The following MYO1D variants were observed in gnomAD, a reference collection of about 807,000 sequenced individuals.
MYO1D encodes unconventional myosin-Id.
In MYO1D, 83 loss-of-function variants were observed where a neutral mutation model predicts 122.0. The observed-to-expected ratio is 0.68, with a 90% CI of 0.57 to 0.82. The LOEUF is 0.82. Ranked by LOEUF, MYO1D falls within the 40% of genes least tolerant of loss-of-function variation. MYO1D has a pLI of 0.00. For synonymous variants in MYO1D, 464 were observed against 446.9 expected (o/e 1.04, Z -0.48); for missense variants, 1,157 against 1,269.5 (o/e 0.91, Z 1.35).
intron 2 of MYO1D, 26 bp downstream of exon 2, chr17:32,780,550 A>T: frequency 6.2e-7 from 1 of 1,603,566 alleles, no homozygotes. Flanking sequence ...GTGACTTTGG[A>T]AATACAGGGG....
intron 19 of MYO1D, among the ~76,000 whole-genome samples, chr17:32,646,427 C>T (rs1238463631): frequency 6.6e-6 from 1 of 151,594 alleles, no homozygotes; most frequent in African/African-American, 2.4e-5. Flanking sequence ...GCCTGGGCAA[C>T]AGAAGAAGAC....
chr17:32,625,282 TGA>T lies in MYO1D; in HGVS notation c.2709+13438_2709+13439del, dbSNP rs146421557. On this transcript the variant is annotated intron_variant, in intron 20 of 21. Coordinates refer to ENST00000318217, the MANE Select transcript of MYO1D (RefSeq NM_015194.3). ...GACTTAAATAGATAAATAAAGAAAA[TGA>T]GAGAGAGAGAGAGAGCAACTTTGGC... Among the ~76,000 whole-genome samples the T allele has an allele frequency of 2.0e-3, 306 of 150,186 alleles. 2 individuals carry two copies. The highest frequency in any genetic ancestry group is 7.2e-3 in the African/African-American group (296 of 40,996).
chr17:32,743,815 T>A (rs571678451), intron 13 of MYO1D, among the ~76,000 whole-genome samples: 1 of 152,114 alleles, frequency 6.6e-6, no homozygotes, highest in Non-Finnish European at 1.5e-5. Context: ...AGACGGGGTT[T>A]CACCATGTTA....
At chr17:32,537,477 C>T (rs1420498308) in intron 21 of MYO1D, among the ~76,000 whole-genome samples, 2 of 152,150 alleles carry the variant, frequency 1.3e-5, no homozygotes, top group Non-Finnish European at 2.9e-5. Context: ...TTTGCTGACT[C>T]CAGGTTTAGA....
intron 16 of MYO1D, among the ~76,000 whole-genome samples, chr17:32,673,013 A>T (rs2088743645): frequency 6.7e-6 from 1 of 148,894 alleles, no homozygotes; most frequent in Admixed American, 6.8e-5. Context: ...AAGAAAAAAA[A>T]GTCTCTTTAT....
chr17:32,862,554 T>A (rs895059728), intron 1 of MYO1D, among the ~76,000 whole-genome samples: 87 of 152,308 alleles, frequency 5.7e-4, no homozygotes, highest in Non-Finnish European at 1.1e-3. Flanking sequence ...AGGAAATAAA[T>A]CAAGGTATTA....
chr17:32,671,682 T>C (rs1398722803), intron 16 of MYO1D, among the ~76,000 whole-genome samples: 1 of 152,188 alleles, frequency 6.6e-6, no homozygotes, highest in Non-Finnish European at 1.5e-5. Flanking sequence ...TGAGTATATA[T>C]AAAAATTGAA....
chr17:32,738,864 T>TA (rs546157422), intron 13 of MYO1D, among the ~76,000 whole-genome samples: 544 of 151,222 alleles, frequency 3.6e-3, no homozygotes, highest in Admixed American at 6.3e-3. Flanking sequence ...GCCTGCTCTT[T>TA]AAAAAAAAAC....
chr17:32,737,864 A>C lies in MYO1D; in HGVS notation c.1746+389T>G, dbSNP rs189476221. On this transcript the variant is annotated intron_variant, in intron 14 of 21. Coordinates refer to ENST00000318217, the MANE Select transcript of MYO1D (RefSeq NM_015194.3). Reference sequence around the variant, plus strand: ...CTCTCTGGCCACTTTGTACTCAAACACAATATATAAATGGTACATTTTACA... The same window carrying C: ...CTCTCTGGCCACTTTGTACTCAAACCCAATATATAAATGGTACATTTTACA... 2.6e-3 allele frequency among the ~76,000 whole-genome samples: 396 copies of C among 152,362 alleles called. 1 individual carries two copies. The highest frequency in any genetic ancestry group is 8.7e-3 in the African/African-American group (360 of 41,588).
At chr17:32,569,569 C>T (rs2087204095) in intron 21 of MYO1D, among the ~76,000 whole-genome samples, 1 of 152,216 alleles carries the variant, frequency 6.6e-6, no homozygotes, top group Non-Finnish European at 1.5e-5. Flanking sequence ...TGGGAACCGT[C>T]ACCTCCCACT....
At chr17:32,504,445 G>A (rs536765870) in intron 21 of MYO1D, 2 of 150,514 alleles carry the variant, frequency 1.3e-5, no homozygotes, top group Admixed American at 6.6e-5. Flanking sequence ...GCCCAAGCTC[G>A]TGGATGCTAG....
intron 20 of MYO1D, among the ~76,000 whole-genome samples, chr17:32,614,444 A>G (rs541661037): frequency 2.6e-5 from 4 of 152,264 alleles, no homozygotes; most frequent in African/African-American, 7.2e-5. Context: ...TTTGATCTCA[A>G]TTAACAAATT....
chr17:32,823,683 T>A (rs2090695483), intron 1 of MYO1D, among the ~76,000 whole-genome samples: 1 of 152,104 alleles, frequency 6.6e-6, no homozygotes. Context: ...AAGTAACTAC[T>A]AGGAAAAAAC....
At chr17:32,673,090 CTTTTTTTTTTT>C (rs60912187) in intron 16 of MYO1D, among the ~76,000 whole-genome samples, 551 of 28,508 alleles carry the variant, frequency 0.019, 1 homozygote, top group Non-Finnish European at 0.029. Context: ...AAACATGCTA[CTTTTTTTTTTT>C]TTTTTTTTTT....
At chr17:32,808,853 A>C (rs1213882004) in intron 1 of MYO1D, among the ~76,000 whole-genome samples, 1 of 152,148 alleles carries the variant, frequency 6.6e-6, no homozygotes, top group Non-Finnish European at 1.5e-5. Flanking sequence ...GTCAGAAATA[A>C]ATTTCTGCCA....
chr17:32,539,993 T>C (rs1222589802), intron 21 of MYO1D, among the ~76,000 whole-genome samples: 2 of 152,080 alleles, frequency 1.3e-5, no homozygotes, highest in African/African-American at 4.8e-5. Flanking sequence ...AAAGAAAATA[T>C]AGATAAACTG....
chr17:32,785,891 T>C (rs1419379694), intron 1 of MYO1D, among the ~76,000 whole-genome samples: 1 of 152,190 alleles, frequency 6.6e-6, no homozygotes, highest in Non-Finnish European at 1.5e-5. Flanking sequence ...TAATGATATC[T>C]TGGCCCCCTT....
intron 21 of MYO1D, among the ~76,000 whole-genome samples, chr17:32,587,641 G>A (rs2069276590): frequency 6.6e-6 from 1 of 151,806 alleles, no homozygotes; most frequent in African/African-American, 2.4e-5. Context: ...TCCAATTTTT[G>A]TTGGACGAAC....
At chr17:32,566,664 A>G (rs1188658702) in intron 21 of MYO1D, among the ~76,000 whole-genome samples, 1 of 151,442 alleles carries the variant, frequency 6.6e-6, no homozygotes, top group African/African-American at 2.4e-5. Flanking sequence ...GTGTCATTGG[A>G]ACCAAATAGA....
Sources: gnomAD v4.1 joint callset for allele counts (sites outside exome capture counted in the v4.1 genomes callset) on GRCh38, gnomAD v4.1.1 for gene constraint, MANE v1.5 for transcripts, NCBI Gene and HGNC (gene_info 2026-07-23, HGNC 2026-07-21) for gene names.